The following INPP4A variants were observed in gnomAD, a reference collection of about 807,000 sequenced individuals.
The protein encoded by INPP4A is inositol polyphosphate-4-phosphatase, type I, 107kD.
Under a neutral mutation model 119.8 loss-of-function variants are expected in INPP4A, and 33 were observed. That is an observed-to-expected ratio of 0.28 (90% confidence interval 0.21 to 0.37). The LOEUF (loss-of-function observed/expected upper bound fraction) is 0.37. Ranked by LOEUF, INPP4A falls within the 10% of genes least tolerant of loss-of-function variation. The probability of loss-of-function intolerance (pLI) is 1.00; values close to 1 mark genes in which losing one functional copy is unlikely to be tolerated. For missense variants in INPP4A, 956 were observed against 1,289.9 expected, an observed-to-expected ratio of 0.74 and a Z score of 3.97; for synonymous variants, 496 against 500.7, an observed-to-expected ratio of 0.99 and a Z score of 0.12.
chr2:98,575,056 G>A (rs1007061307), intron 23 of INPP4A, among the ~76,000 whole-genome samples: 1 of 152,200 alleles, frequency 6.6e-6, no homozygotes, highest in Non-Finnish European at 1.5e-5. Context: ...AGCCACTCAG[G>A]TACTGAGTCC....
At chr2:98,450,655 T>A (rs1695055060) in intron 1 of INPP4A, among the ~76,000 whole-genome samples, 1 of 152,182 alleles carries the variant, frequency 6.6e-6, no homozygotes, top group Non-Finnish European at 1.5e-5. Context: ...TGGTGCCTAG[T>A]AAGTGTGCAG....
intron 1 of INPP4A, among the ~76,000 whole-genome samples, chr2:98,504,794 C>T (rs1479240911): frequency 6.6e-6 from 1 of 152,196 alleles, no homozygotes; most frequent in African/African-American, 2.4e-5. Flanking sequence ...GTCTGAAGCA[C>T]GTTATTATTA....
chr2:98,464,705 G>A (rs1674390054), intron 1 of INPP4A, among the ~76,000 whole-genome samples: 4 of 152,220 alleles, frequency 2.6e-5, no homozygotes, highest in African/African-American at 4.8e-5. Flanking sequence ...CACAGCTCAT[G>A]ATGCCTGAGA....
At position 98,533,304 on chromosome 2, in the gene INPP4A, A is replaced by G. The variant is rs993071681; in HGVS notation, c.152-73A>G. 5 of 878,910 alleles carry G rather than the reference A, an allele frequency of 5.7e-6. No individual in the cohort carries two copies. The African/African-American group carries it at 6.5e-5, about 11-fold the overall frequency. 54.4% of individuals were successfully genotyped at this position (878,910 alleles called of 1,614,324 possible). On this transcript the variant is annotated intron_variant, in intron 4 of 24. Transcript: ENST00000409851. ...CATTTACTCTTTGTGCTTTCTTTGA[A>G]TGTGTTTGGAACAGAAAACTAATCA...
intron 23 of INPP4A, among the ~76,000 whole-genome samples, chr2:98,573,727 G>C (rs1457181149): frequency 6.6e-6 from 1 of 152,150 alleles, no homozygotes; most frequent in African/African-American, 2.4e-5. Context: ...TCAGCCCCGA[G>C]TCTCTTCTAC....
chr2:98,468,429 G>C (rs888201693), intron 1 of INPP4A, among the ~76,000 whole-genome samples: 3 of 151,948 alleles, frequency 2.0e-5, no homozygotes, highest in African/African-American at 7.3e-5. Flanking sequence ...GTAGGGATGG[G>C]GGTCTTGCTT....
chr2:98,502,485 A>G (rs1319847930), intron 1 of INPP4A, among the ~76,000 whole-genome samples: 1 of 151,422 alleles, frequency 6.6e-6, no homozygotes, highest in Non-Finnish European at 1.5e-5. Flanking sequence ...ATTAGCTTTC[A>G]CTGTCACTGC....
rs115981910 is a variant in INPP4A at position 98,574,318 on chromosome 2, G to A, written c.2631+1391G>A. ...TACCTTAAGAGATTTTGTGTGAAAA[G>A]CAAGCCTTTCCCACAGGACACGAAG... On this transcript the variant is annotated intron_variant, in intron 23 of 24. Transcript: ENST00000409851. Among the ~76,000 whole-genome samples, 884 of 152,124 alleles carry A rather than the reference G, an allele frequency of 5.8e-3. 12 individuals carry two copies. Among genetic ancestry groups the A allele is most frequent in the African/African-American group, 0.02 (830 of 41,502 alleles).
chr2:98,551,462 TGTG>T (rs1693503472), intron 13 of INPP4A, among the ~76,000 whole-genome samples: 1 of 152,150 alleles, frequency 6.6e-6, no homozygotes, highest in African/African-American at 2.4e-5. Flanking sequence ...CGTGTGGGCT[TGTG>T]GTGGTGGTGT....
chr2:98,528,018 A>G (rs192225666), intron 4 of INPP4A, among the ~76,000 whole-genome samples: 310 of 152,354 alleles, frequency 2.0e-3, no homozygotes, highest in Non-Finnish European at 3.4e-3. Flanking sequence ...TCATACACAG[A>G]TGGAAAAAAC....
chr2:98,534,293 A>G (rs1416362827), intron 5 of INPP4A, among the ~76,000 whole-genome samples: 1 of 151,936 alleles, frequency 6.6e-6, no homozygotes. Flanking sequence ...GCCCTGAGGA[A>G]TTGACCAGCT....
At chr2:98,539,119 G>A (rs1690897194) in intron 9 of INPP4A, 138 bp downstream of exon 9, 8 of 559,574 alleles carry the variant, frequency 1.4e-5, no homozygotes, top group Non-Finnish European at 1.9e-5. Context: ...TTATCATTGT[G>A]TTCTTTTTGC....
Position 98,546,541 on chromosome 2 carries a change from C to A in INPP4A, c.1055-45C>A, listed in dbSNP as rs889022048. On this transcript the variant is annotated intron_variant, in intron 12 of 24. Coordinates refer to ENST00000409851, the MANE Select transcript of INPP4A (RefSeq NM_001134225.2). This position sits in a 1 kb window ranked among gnomAD's most constrained non-coding sequence, Gnocchi z 4.2. ...CATATCCCTATAGCTGGCTTGTCCA[C>A]AGGCCTGAGCCCAGAGTAATGGAGG... 5 of 1,422,586 alleles carry A rather than the reference C, an allele frequency of 3.5e-6. No individual in the cohort carries two copies. Among genetic ancestry groups the A allele is most frequent in the Non-Finnish European group, 4.9e-6 (5 of 1,010,688 alleles). 88.1% of individuals were successfully genotyped at this position (1,422,586 alleles called of 1,614,324 possible). A position where few individuals can be genotyped will look rare whatever the true frequency, so the allele number is the denominator to read the frequency against.
intron 1 of INPP4A, among the ~76,000 whole-genome samples, chr2:98,497,742 G>A (rs867676823): frequency 9.2e-5 from 14 of 152,278 alleles, no homozygotes; most frequent in Non-Finnish European, 1.5e-4. Context: ...AAGCTTGGGC[G>A]CAACTGCCCA....
At chr2:98,467,220 G>A (rs1289696809) in intron 1 of INPP4A, among the ~76,000 whole-genome samples, 1 of 152,146 alleles carries the variant, frequency 6.6e-6, no homozygotes, top group African/African-American at 2.4e-5. Context: ...TCAAAGCGGG[G>A]GGTGGTTGGG....
At chr2:98,522,734 A>C (rs976919918) in intron 4 of INPP4A, among the ~76,000 whole-genome samples, 1 of 152,124 alleles carries the variant, frequency 6.6e-6, no homozygotes, top group Non-Finnish European at 1.5e-5. Context: ...TTCGGATCAC[A>C]GGGAATAAAA....
At chr2:98,453,821 G>A (rs1394994476) in intron 1 of INPP4A, among the ~76,000 whole-genome samples, 1 of 152,170 alleles carries the variant, frequency 6.6e-6, no homozygotes, top group Non-Finnish European at 1.5e-5. Flanking sequence ...AAATCCTCCT[G>A]ATGAGGAGTC....
At chr2:98,470,003 C>T (rs1675654397) in intron 1 of INPP4A, among the ~76,000 whole-genome samples, 1 of 152,186 alleles carries the variant, frequency 6.6e-6, no homozygotes, top group African/African-American at 2.4e-5. Context: ...GTTCCACAGT[C>T]ATAGAGGCAT....
chr2:98,484,258 C>T (rs1679089559), intron 1 of INPP4A, among the ~76,000 whole-genome samples: 2 of 152,110 alleles, frequency 1.3e-5, no homozygotes, highest in Admixed American at 1.3e-4. Context: ...CTCCCATGGT[C>T]ATTCCCGAGG....
Sources: allele counts gnomAD v4.1 joint callset (sites outside exome capture counted in the v4.1 genomes callset), GRCh38; gene constraint gnomAD v4.1.1; non-coding constraint Gnocchi (gnomAD v3.1); transcripts MANE v1.5; gene names NCBI Gene and HGNC (gene_info 2026-07-23, HGNC 2026-07-21).